SLC44A5: variants seen among roughly 807,000 people sequenced by gnomAD.
SLC44A5 encodes solute carrier family 44 member 5.
SLC44A5 carries 57 observed loss-of-function variants against 101.8 expected under a neutral mutation model. The ratio of observed to expected loss-of-function variants is 0.56; its 90% CI spans 0.45 to 0.70. The LOEUF (loss-of-function observed/expected upper bound fraction) is 0.70, where lower values mean the gene tolerates loss of function less well. Among genes scored for constraint, SLC44A5 ranks in the 30% least tolerant of loss-of-function variants. The pLI, the probability that SLC44A5 is intolerant of heterozygous loss-of-function variation, is 0.00. For synonymous variants in SLC44A5, 281 were observed against 290.9 expected (o/e 0.97, Z 0.35); for missense variants, 737 against 853.1 (o/e 0.86, Z 1.70).
At chr1:75,423,968 G>A (rs1179729202) in intron 2 of SLC44A5, among the ~76,000 whole-genome samples, 1 of 152,180 alleles carries the variant, frequency 6.6e-6, no homozygotes, top group Non-Finnish European at 1.5e-5. Context: ...ATGCCCCTAT[G>A]CCTCCGGAGA....
chr1:75,483,095 C>T lies in SLC44A5; in HGVS notation c.13+58340G>A, dbSNP rs147073957. 1.1e-4 allele frequency among the ~76,000 whole-genome samples: 16 copies of T among 152,196 alleles called. No homozygotes were observed. The East Asian group carries it at 3.1e-3, about 29-fold the overall frequency. On this transcript the variant is annotated intron_variant, in intron 2 of 23. Transcript: ENST00000370859. ...GAGCGTAACAATAAATTAGAAAAGG[C>T]TTTAGTGTAAACATTTAGAGAGGAA...
chr1:75,678,128 C>A, the SLC44A5 span, among the ~76,000 whole-genome samples: 9 of 152,162 alleles, frequency 5.9e-5, no homozygotes, highest in Non-Finnish European at 1.3e-4. Context: ...CGGAGTCTCA[C>A]TGATTGCTAG....
the SLC44A5 span, among the ~76,000 whole-genome samples, chr1:75,686,995 A>C: frequency 6.6e-6 from 1 of 152,212 alleles, no homozygotes; most frequent in South Asian, 2.1e-4. Flanking sequence ...TGACACAAGA[A>C]TAATACAGAG....
intron 1 of SLC44A5, among the ~76,000 whole-genome samples, chr1:75,580,763 G>A (rs1385236634): frequency 2.6e-5 from 4 of 151,816 alleles, no homozygotes; most frequent in Non-Finnish European, 5.9e-5. Context: ...AGTAGAACCT[G>A]GGAGGCAGAG....
At chr1:75,343,080 A>G (rs909064058) in intron 3 of SLC44A5, among the ~76,000 whole-genome samples, 1 of 152,168 alleles carries the variant, frequency 6.6e-6, no homozygotes, top group Admixed American at 6.5e-5. Context: ...GGCCAGCTAA[A>G]TGAAAAAAGC....
chr1:75,645,204 T>A, the SLC44A5 span, among the ~76,000 whole-genome samples: 1 of 152,168 alleles, frequency 6.6e-6, no homozygotes, highest in Non-Finnish European at 1.5e-5. Context: ...ATCGCCACAC[T>A]GTCTTCCACA....
At chr1:75,652,517 C>A in the SLC44A5 span, among the ~76,000 whole-genome samples, 1 of 152,158 alleles carries the variant, frequency 6.6e-6, no homozygotes. Context: ...ACAAGCCAGG[C>A]ACAGTGGTTC....
intron 2 of SLC44A5, among the ~76,000 whole-genome samples, chr1:75,480,257 A>C (rs1452530616): frequency 6.6e-6 from 1 of 152,194 alleles, no homozygotes; most frequent in Non-Finnish European, 1.5e-5. Context: ...ATATCTCAAA[A>C]TAATAAGAGC....
the SLC44A5 span, among the ~76,000 whole-genome samples, chr1:75,679,748 A>C: frequency 2.6e-5 from 4 of 152,174 alleles, 1 homozygote; most frequent in Non-Finnish European, 5.9e-5. Flanking sequence ...ACAGGATCAA[A>C]TTCACACATA....
the SLC44A5 span, among the ~76,000 whole-genome samples, chr1:75,678,071 G>A: frequency 1.2e-4 from 18 of 152,186 alleles, no homozygotes; most frequent in South Asian, 2.1e-4. Flanking sequence ...AGAAAACGGC[G>A]CACCACGAGA....
chr1:75,598,736 G>A (rs1399291073), intron 1 of SLC44A5, among the ~76,000 whole-genome samples: 1 of 152,142 alleles, frequency 6.6e-6, no homozygotes. Context: ...AGAGCACATG[G>A]ACACATAGAG....
chr1:75,673,104 G>A, the SLC44A5 span, among the ~76,000 whole-genome samples: 1 of 152,080 alleles, frequency 6.6e-6, no homozygotes. Context: ...CTTGTAGCTT[G>A]GTTACCAGCT....
At chr1:75,335,298 T>C (rs927820293) in intron 4 of SLC44A5, among the ~76,000 whole-genome samples, 3 of 152,164 alleles carry the variant, frequency 2.0e-5, no homozygotes, top group African/African-American at 7.2e-5. Flanking sequence ...CTGACAAAGC[T>C]CACAAGAGAC....
At chr1:75,370,840 T>C (rs1394970033) in intron 3 of SLC44A5, among the ~76,000 whole-genome samples, 1 of 152,204 alleles carries the variant, frequency 6.6e-6, no homozygotes, top group African/African-American at 2.4e-5. Context: ...TGTAAGTAGT[T>C]GTAAAACTGA....
At chr1:75,419,161 T>C (rs1663842077) in intron 2 of SLC44A5, among the ~76,000 whole-genome samples, 1 of 150,704 alleles carries the variant, frequency 6.6e-6, no homozygotes, top group Non-Finnish European at 1.5e-5. Context: ...ACAATAAGAA[T>C]CCCCAAAGCA....
At chr1:75,307,083 T>C (rs1450883777) in intron 4 of SLC44A5, among the ~76,000 whole-genome samples, 1 of 152,068 alleles carries the variant, frequency 6.6e-6, no homozygotes, top group Non-Finnish European at 1.5e-5. Flanking sequence ...ATATCAACCA[T>C]CCTGAAAGGT....
chr1:75,360,237 C>T (rs1245286528), intron 3 of SLC44A5, among the ~76,000 whole-genome samples: 5 of 152,140 alleles, frequency 3.3e-5, no homozygotes, highest in Non-Finnish European at 7.4e-5. Flanking sequence ...TCAAAAAAAT[C>T]CATGACCAGA....
chr1:75,485,735 G>A (rs1267406462), intron 2 of SLC44A5, among the ~76,000 whole-genome samples: 1 of 152,138 alleles, frequency 6.6e-6, no homozygotes, highest in East Asian at 1.9e-4. Flanking sequence ...ACCTGAGAGT[G>A]GGTAATTTAT....
rs146760415 is a variant in SLC44A5 at position 75,601,027 on chromosome 1, A to G, written c.-70+10013T>C. ...CATGACTTATGATGACATAACCTTG[A>G]GCAAGAAGTGAGCTCAACATTAGTT... On this transcript the variant is annotated intron_variant, in intron 1 of 23. Coordinates refer to ENST00000370859, the MANE Select transcript of SLC44A5 (RefSeq NM_001130058.2). 2.0e-5 allele frequency among the ~76,000 whole-genome samples: 3 copies of G among 152,338 alleles called. 1 individual carries two copies. The highest frequency in any genetic ancestry group is 4.4e-5 in the Non-Finnish European group (3 of 68,018).
Sources: allele counts gnomAD v4.1 joint callset (sites outside exome capture counted in the v4.1 genomes callset), GRCh38; gene constraint gnomAD v4.1.1; transcripts MANE v1.5; gene names NCBI Gene and HGNC (gene_info 2026-07-23, HGNC 2026-07-21).